EPS8L3: variants seen among roughly 807,000 people sequenced by gnomAD.
EPS8L3 encodes the protein EPS8 signaling adaptor L3, also known as epidermal growth factor receptor kinase substrate 8-like protein 3.
Under a neutral mutation model 88.5 loss-of-function variants are expected in EPS8L3, and 80 were observed. The ratio of observed to expected loss-of-function variants is 0.90; its 90% CI spans 0.75 to 1.09. The LOEUF (loss-of-function observed/expected upper bound fraction) is 1.09, where lower values mean the gene tolerates loss of function less well. Ranked by LOEUF, EPS8L3 falls within the 50% of genes least tolerant of loss-of-function variation. EPS8L3 has a pLI of 0.00. For missense variants in EPS8L3, 721 were observed against 735.2 expected (o/e 0.98, Z 0.22); for synonymous variants, 286 against 291.0 (o/e 0.98, Z 0.18).
intron 17 of EPS8L3, 66 bp from the exon 18 acceptor site, chr1:109,750,858 C>A: frequency 6.3e-7 from 1 of 1,593,910 alleles, no homozygotes; most frequent in Non-Finnish European, 8.6e-7. Flanking sequence ...AGCGTTTGGG[C>A]AGAGACAGGG....
chr1:109,750,309 G>A lies in EPS8L3; in HGVS notation c.*82C>T, dbSNP rs928945568. 2.6e-6 allele frequency: 4 copies of A among 1,551,082 alleles called. No homozygotes were observed. In the Admixed American group the frequency reaches 7.0e-5, roughly 27 times the overall value. On this transcript the variant is annotated 3_prime_UTR_variant, in exon 19 of 19. Coordinates refer to ENST00000361965, the MANE Select transcript of EPS8L3 (RefSeq NM_133181.4). ...TGCTGCAAACTGGGATCCAGAAGAG[G>A]AATTCTCGGGGCTCTAATGGGTATC... is the stretch of plus-strand genomic sequence containing the variant.
chr1:109,762,155 G>A (rs17024790), intron 1 of EPS8L3, among the ~76,000 whole-genome samples: 9,347 of 152,232 alleles, frequency 0.061, 378 homozygotes, highest in African/African-American at 0.12. Flanking sequence ...TGCTGGATGA[G>A]CAGAGGGTTC....
chr1:109,759,523 C>A lies in EPS8L3; in HGVS notation c.256-136G>T. Reference sequence around the variant, plus strand: ...CTACCTGACTCTTGTGCCTCTGTCCCCAGCCTCTGTCCCCTGTCTCTTCCT... The same window carrying A: ...CTACCTGACTCTTGTGCCTCTGTCCACAGCCTCTGTCCCCTGTCTCTTCCT... On this transcript the variant is annotated intron_variant, in intron 4 of 18. Coordinates refer to ENST00000361965, the MANE Select transcript of EPS8L3 (RefSeq NM_133181.4). This position sits in a 1 kb window ranked among gnomAD's most constrained non-coding sequence, Gnocchi z 4.2. 1 of 1,498,726 alleles carries A rather than the reference C, an allele frequency of 6.7e-7. No homozygotes were observed. The highest frequency in any genetic ancestry group is 1.3e-5 in the South Asian group (1 of 76,656). The allele number at this position is 1,498,726 out of a possible 1,614,324, so 92.8% of individuals were successfully genotyped here.
At position 109,757,020 on chromosome 1, in the gene EPS8L3, C is replaced by A; in HGVS notation, c.1115G>T (p.Ser372Ile). Residue 372 changes from serine to isoleucine, a missense_variant, in exon 12 of 19, where the codon AGC (serine) becomes ATC (isoleucine). Physicochemically the swap from Ser to Ile is moderately radical, Grantham distance 142 (BLOSUM62 -2). Coordinates refer to ENST00000361965, the MANE Select transcript of EPS8L3 (RefSeq NM_133181.4). Reference protein sequence around the residue: ...WMGLGPAWTTSRADWTGDEPL... With the variant: ...WMGLGPAWTTIRADWTGDEPL... ...TTCAGGCTTTGTCTTCACTCACCGG[C>A]TAGTGGTCCAGGCTGGGCCCAACCC... 1 of 1,614,232 alleles carries A rather than the reference C, an allele frequency of 6.2e-7. No homozygotes were observed. The highest frequency in any genetic ancestry group is 8.5e-7 in the Non-Finnish European group (1 of 1,180,028).
chr1:109,751,844 C>T, intron 15 of EPS8L3, 62 bp from the exon 16 acceptor site: 3 of 1,604,642 alleles, frequency 1.9e-6, no homozygotes, highest in Non-Finnish European at 2.6e-6. Flanking sequence ...CCTCCCCACA[C>T]AAGGCTTTCT....
chr1:109,757,898 C>A (rs1358480273), intron 9 of EPS8L3, 35 bp from the exon 10 acceptor site: 2 of 1,613,284 alleles, frequency 1.2e-6, no homozygotes, highest in African/African-American at 2.7e-5. Context: ...GGCCAGAGAT[C>A]ACCCTGAGAC....
At position 109,751,638 on chromosome 1, in the gene EPS8L3, C is replaced by T; in HGVS notation, c.1563+16G>A. 2 of 1,613,984 alleles carry T rather than the reference C, an allele frequency of 1.2e-6. No homozygotes were observed. The highest frequency in any genetic ancestry group is 2.2e-5 in the East Asian group (1 of 44,866). ...CTCAAGACTTAGGGCTCTGGATAGTCCAGGCTGGGTAGTACCCGAGAGGGT... is the reference window on the plus strand; with the variant it reads ...CTCAAGACTTAGGGCTCTGGATAGTTCAGGCTGGGTAGTACCCGAGAGGGT... On this transcript the variant is annotated intron_variant, in intron 16 of 18. Transcript: ENST00000361965.
At chr1:109,754,890 A>T (rs762382185) in intron 12 of EPS8L3, among the ~76,000 whole-genome samples, 4 of 152,196 alleles carry the variant, frequency 2.6e-5, no homozygotes, top group Non-Finnish European at 4.4e-5. Flanking sequence ...TGGACAAGGG[A>T]ACTCTGGTAT....
intron 3 of EPS8L3, 169 bp from the exon 4 acceptor site, chr1:109,760,005 G>T (rs867956233): frequency 4.4e-6 from 3 of 674,214 alleles, no homozygotes; most frequent in East Asian, 5.6e-5. Context: ...TGTGAGGGAC[G>T]GTGTCGAAGC....
rs3820666 is a variant in EPS8L3, at chr1:109,761,309, G to A, written c.96+186C>T. ...CTGTTCAATCTGACCACCCCTCCCC[G>A]TCCCTGACACTGAGCAGATGCTCTG... On this transcript the variant is annotated intron_variant, in intron 3 of 18. Coordinates refer to ENST00000361965, the MANE Select transcript of EPS8L3 (RefSeq NM_133181.4). 4.0e-4 allele frequency: 237 copies of A among 596,568 alleles called. 1 individual carries two copies. Among genetic ancestry groups the A allele is most frequent in the African/African-American group, 2.9e-3 (155 of 53,958 alleles). The allele number at this position is 596,568 out of a possible 1,614,324, so 37.0% of individuals were successfully genotyped here. A position where few individuals can be genotyped will look rare whatever the true frequency, so the allele number is the denominator to read the frequency against.
chr1:109,760,802 G>T (rs1650838522), intron 3 of EPS8L3, among the ~76,000 whole-genome samples: 1 of 152,074 alleles, frequency 6.6e-6, no homozygotes, highest in Non-Finnish European at 1.5e-5. Context: ...GTGGTGGCCA[G>T]GACAGGATGG....
rs1335334145 is a variant in EPS8L3 at position 109,752,386 on chromosome 1, T to G, written c.1236-193A>C. 15 of 624,396 alleles carry G rather than the reference T, an allele frequency of 2.4e-5. No homozygotes were observed. The East Asian group carries it at 4.1e-4, about 17-fold the overall frequency. 38.7% of individuals were successfully genotyped at this position (624,396 alleles called of 1,614,324 possible). A position where few individuals can be genotyped will look rare whatever the true frequency, so the allele number is the denominator to read the frequency against. ...GGAGGGGTCTGAAATGTCATTGATT[T>G]CTGAAGACATTTCCGGGAGTGGAAT... On this transcript the variant is annotated intron_variant, in intron 14 of 18. Transcript: ENST00000361965.
chr1:109,763,142 C>T (rs1380784050), intron 1 of EPS8L3, among the ~76,000 whole-genome samples: 2 of 152,172 alleles, frequency 1.3e-5, no homozygotes, highest in African/African-American at 2.4e-5. Context: ...TAAGATGACT[C>T]AGTGTGGAAG....
chr1:109,755,712 G>C (rs985273096), intron 12 of EPS8L3, among the ~76,000 whole-genome samples: 1 of 152,178 alleles, frequency 6.6e-6, no homozygotes, highest in Non-Finnish European at 1.5e-5. Flanking sequence ...CCAGCTATTC[G>C]AGAAGGTGAG....
At chr1:109,762,962 G>C (rs1445336455) in intron 1 of EPS8L3, among the ~76,000 whole-genome samples, 1 of 152,216 alleles carries the variant, frequency 6.6e-6, no homozygotes, top group Admixed American at 6.5e-5. Context: ...GGTGGTGTTA[G>C]TCTGTGCGGG....
At chr1:109,757,205 C>A in intron 11 of EPS8L3, 40 bp from the exon 12 acceptor site, 1 of 1,554,524 alleles carries the variant, frequency 6.4e-7, no homozygotes, top group East Asian at 2.3e-5. Flanking sequence ...CCTAGGCTCC[C>A]ACAGGGCCCA....
In EPS8L3 at chr1:109,758,559, G is replaced by A. The variant is rs141320583; in HGVS notation, c.566C>T (p.Pro189Leu). Reference protein sequence around the residue: ...EQARYLEPGIPPEQPHQRTLE... With the variant: ...EQARYLEPGILPEQPHQRTLE... ...GGTCCTCTGGTGGGGCTGTTCTGGA[G>A]GGATCCCCGGCTCCAGATAGCGTGC... Residue 189 changes from proline to leucine, a missense_variant, in exon 7 of 19, where the codon CCT (proline) becomes CTT (leucine). Pro to Leu is a moderately conservative substitution (Grantham distance 98). Coordinates refer to ENST00000361965, the MANE Select transcript of EPS8L3 (RefSeq NM_133181.4). 9.9e-6 allele frequency: 16 copies of A among 1,612,600 alleles called. No individual in the cohort carries two copies. The African/African-American group carries it at 1.9e-4, about 19-fold the overall frequency.
intron 12 of EPS8L3, among the ~76,000 whole-genome samples, chr1:109,754,942 G>T (rs1650146222): frequency 6.6e-6 from 1 of 152,178 alleles, no homozygotes; most frequent in African/African-American, 2.4e-5. Flanking sequence ...TCATTTTAGT[G>T]ACTGCACAGA....
At chr1:109,751,437 T>C (rs1649783467) in intron 16 of EPS8L3, 86 bp from the exon 17 acceptor site, 9 of 1,427,172 alleles carry the variant, frequency 6.3e-6, no homozygotes, top group African/African-American at 1.4e-5. Context: ...TTCTCCAGGT[T>C]CCCATCAAAT....
Sources: allele counts gnomAD v4.1 joint callset (sites outside exome capture counted in the v4.1 genomes callset), GRCh38; gene constraint gnomAD v4.1.1; non-coding constraint Gnocchi (gnomAD v3.1); transcripts MANE v1.5; gene names NCBI Gene and HGNC (gene_info 2026-07-23, HGNC 2026-07-21).